PALLD: variants seen among roughly 807,000 people sequenced by gnomAD.
The protein encoded by PALLD is palladin.
Under a neutral mutation model 123.5 loss-of-function variants are expected in PALLD, and 61 were observed. That is an observed-to-expected ratio of 0.49 (90% confidence interval 0.40 to 0.61). The LOEUF (loss-of-function observed/expected upper bound fraction) is 0.61, where lower values mean the gene tolerates loss of function less well. PALLD is among the 20% of genes least tolerant of loss of function. PALLD has a pLI of 0.00. For missense variants in PALLD, 1,273 were observed against 1,377.0 expected, an observed-to-expected ratio of 0.92 and a Z score of 1.20; for synonymous variants, 465 against 496.4, an observed-to-expected ratio of 0.94 and a Z score of 0.84.
chr4:168,685,468 T>A lies in PALLD; in HGVS notation c.1261-17T>A. ...TTATATATTTAGAATTTGATCCATATGTCTCTGCTTTTGCAGGTTCACAGT... is the reference window on the plus strand; with the variant it reads ...TTATATATTTAGAATTTGATCCATAAGTCTCTGCTTTTGCAGGTTCACAGT... On this transcript the variant is annotated splice_polypyrimidine_tract_variant and intron_variant, in intron 5 of 21. Transcript: ENST00000505667. 1 of 1,557,036 alleles carries A rather than the reference T, an allele frequency of 6.4e-7. No individual in the cohort carries two copies. Among genetic ancestry groups the A allele is most frequent in the Non-Finnish European group, 8.9e-7 (1 of 1,128,270 alleles).
chr4:168,770,695 G>A (rs1312118305), intron 10 of PALLD, among the ~76,000 whole-genome samples: 1 of 152,126 alleles, frequency 6.6e-6, no homozygotes, highest in East Asian at 1.9e-4. Context: ...TTCAACTGAT[G>A]CCTGTTTCCT....
intron 15 of PALLD, among the ~76,000 whole-genome samples, chr4:168,910,901 C>T (rs568520891): frequency 6.6e-6 from 1 of 152,226 alleles, no homozygotes; most frequent in Non-Finnish European, 1.5e-5. Flanking sequence ...AAGCATATAC[C>T]TCATGTAAAG....
chr4:168,680,115 A>G (rs1451149311), intron 3 of PALLD, among the ~76,000 whole-genome samples: 1 of 152,168 alleles, frequency 6.6e-6, no homozygotes, highest in Admixed American at 6.5e-5. Flanking sequence ...CCAAATGCCA[A>G]GTGAACATGC....
Position 168,505,110 on chromosome 4 carries a change from C to T in PALLD, c.-82-6313C>T, listed in dbSNP as rs571629033. ...GCACAATTTTCCAGTGAACTTGGCC[C>T]GCTTGGAAACCGCCCTTGTTCATCC... On this transcript the variant is annotated intron_variant, in intron 1 of 21. Coordinates refer to ENST00000505667, the MANE Select transcript of PALLD (RefSeq NM_001166108.2). The T allele has an allele frequency of 4.6e-5, 7 of 152,316 alleles. No homozygotes were observed. In the East Asian group the frequency reaches 1.2e-3, roughly 25 times the overall value. 9.4% of individuals were successfully genotyped at this position (152,316 alleles called of 1,614,324 possible).
chr4:168,646,808 A>G (rs970341395), intron 2 of PALLD, among the ~76,000 whole-genome samples: 5 of 152,224 alleles, frequency 3.3e-5, no homozygotes, highest in African/African-American at 1.2e-4. Flanking sequence ...GATAGTGTCT[A>G]AGTCTCATCA....
At chr4:168,683,153 A>G in intron 5 of PALLD, 50 bp downstream of exon 5, 1 of 1,003,150 alleles carries the variant, frequency 1.0e-6, no homozygotes, top group African/African-American at 1.6e-5. Flanking sequence ...TCATCAGCAA[A>G]CTTGTGGATT....
intron 2 of PALLD, among the ~76,000 whole-genome samples, chr4:168,667,028 A>G (rs1779724399): frequency 6.6e-6 from 1 of 152,150 alleles, no homozygotes; most frequent in African/African-American, 2.4e-5. Flanking sequence ...ATGTTCTTTA[A>G]TTCCCCAGGT....
At chr4:168,773,058 C>T (rs12331681) in intron 10 of PALLD, among the ~76,000 whole-genome samples, 82 of 152,172 alleles carry the variant, frequency 5.4e-4, no homozygotes, top group African/African-American at 1.9e-3. Flanking sequence ...TGTCTCTTTC[C>T]GCCTATGACA....
intron 2 of PALLD, among the ~76,000 whole-genome samples, chr4:168,659,734 C>T (rs12513012): frequency 0.23 from 35,389 of 152,016 alleles, 4,242 homozygotes; most frequent in Admixed American, 0.29. Context: ...ACTTTATAAG[C>T]GTTATAAGTC....
chr4:168,793,567 G>A (rs1293500893), intron 10 of PALLD, among the ~76,000 whole-genome samples: 1 of 151,974 alleles, frequency 6.6e-6, no homozygotes, highest in East Asian at 1.9e-4. Context: ...CTGGCTCTGC[G>A]ACTCACTAGC....
At chr4:168,634,710 T>C (rs1388748666) in intron 2 of PALLD, among the ~76,000 whole-genome samples, 2 of 152,188 alleles carry the variant, frequency 1.3e-5, no homozygotes, top group Non-Finnish European at 2.9e-5. Context: ...GATTTGGGGC[T>C]GGTTAGAGAT....
intron 2 of PALLD, among the ~76,000 whole-genome samples, chr4:168,604,747 A>G (rs948772732): frequency 6.6e-6 from 1 of 152,216 alleles, no homozygotes; most frequent in East Asian, 1.9e-4. Context: ...TAACAATGCC[A>G]CTGGTGGTGA....
At chr4:168,688,628 A>T (rs758632721) in intron 6 of PALLD, among the ~76,000 whole-genome samples, 1 of 152,240 alleles carries the variant, frequency 6.6e-6, no homozygotes, top group Non-Finnish European at 1.5e-5. Flanking sequence ...GGTTCTCCTA[A>T]TGGCTTACTA....
rs1270532166 is a variant in PALLD, at chr4:168,924,321, AC to A, written c.3128del (p.Pro1043GlnfsTer32). ...KLQNTGVADGYPVRLECRVLG... is the reference protein window; with the variant it reads ...KLQNTGVADGXPVRLECRVLG... ...CAAAACACAGGAGTTGCTGATGGGTACCCAGTGCGGCTGGAATGTCGTGTAT... is the reference window on the plus strand; with the variant it reads ...CAAAACACAGGAGTTGCTGATGGGTACCAGTGCGGCTGGAATGTCGTGTAT... On this transcript the variant is annotated frameshift_variant, in exon 19 of 22. Coordinates refer to ENST00000505667, the MANE Select transcript of PALLD (RefSeq NM_001166108.2). LOFTEE classifies it high-confidence loss of function. 1 of 1,613,896 alleles carries A rather than the reference AC, an allele frequency of 6.2e-7. No individual in the cohort carries two copies. The highest frequency in any genetic ancestry group is 8.5e-7 in the Non-Finnish European group (1 of 1,179,822).
intron 10 of PALLD, among the ~76,000 whole-genome samples, chr4:168,850,004 T>C (rs999697277): frequency 2.6e-5 from 4 of 152,228 alleles, no homozygotes; most frequent in African/African-American, 9.6e-5. Flanking sequence ...AATAAACTCC[T>C]ATCCAGTTTT....
chr4:168,786,984 T>G (rs537794606), intron 10 of PALLD, among the ~76,000 whole-genome samples: 94 of 152,308 alleles, frequency 6.2e-4, no homozygotes, highest in Non-Finnish European at 6.6e-4. Flanking sequence ...TATATCAAAC[T>G]TATTATCTAT....
At chr4:168,782,870 G>A (rs1033094694) in intron 10 of PALLD, among the ~76,000 whole-genome samples, 6 of 151,918 alleles carry the variant, frequency 3.9e-5, no homozygotes, top group Non-Finnish European at 7.4e-5. Flanking sequence ...AGCCGAGATC[G>A]CACCACTGCA....
chr4:168,766,904 T>C (rs1733744684), intron 10 of PALLD, among the ~76,000 whole-genome samples: 1 of 152,208 alleles, frequency 6.6e-6, no homozygotes, highest in African/African-American at 2.4e-5. Context: ...TCTTATCTCA[T>C]TGGTGTGGCA....
At chr4:168,593,215 T>C (rs1771616266) in intron 2 of PALLD, among the ~76,000 whole-genome samples, 1 of 151,986 alleles carries the variant, frequency 6.6e-6, no homozygotes, top group Admixed American at 6.6e-5. Flanking sequence ...ATTTTCCCTC[T>C]CCATTCTTCT....
Sources: gnomAD v4.1 joint callset for allele counts (sites outside exome capture counted in the v4.1 genomes callset) on GRCh38, gnomAD v4.1.1 for gene constraint, MANE v1.5 for transcripts, NCBI Gene and HGNC (gene_info 2026-07-23, HGNC 2026-07-21) for gene names.